RILP: variants seen among roughly 807,000 people sequenced by gnomAD.
The protein encoded by RILP is Rab interacting lysosomal protein.
A neutral mutation model predicts 40.0 loss-of-function variants in RILP; 53 were observed. The ratio of observed to expected loss-of-function variants is 1.32; its 90% CI spans 1.06 to 1.66. RILP has a LOEUF of 1.66. Among genes scored for constraint, RILP ranks in the 40% most tolerant of loss-of-function variants. The probability of loss-of-function intolerance (pLI) is 0.00; values close to 1 mark genes in which losing one functional copy is unlikely to be tolerated. For synonymous variants in RILP, 272 were observed against 250.6 expected (o/e 1.09, Z -0.80); for missense variants, 626 against 551.7 (o/e 1.13, Z -1.35).
At position 1,648,420 on chromosome 17, in the gene RILP, T is replaced by G. The variant is rs766247052; in HGVS notation, c.751A>C (p.Ile251Leu). Reference sequence around the variant, plus strand: ...TTGAGTTCATTCCGCTCCTGAAGGATCTGCTCAAACTCCTCCCGACTGAAG... The same window carrying G: ...TTGAGTTCATTCCGCTCCTGAAGGAGCTGCTCAAACTCCTCCCGACTGAAG... ...CRFSREEFEQ[I>L]LQERNELKAK... The change falls in exon 5 of 8, where the codon ATC becomes CTC. Residue 251 changes from isoleucine to leucine, a missense_variant. Coordinates refer to ENST00000301336, the MANE Select transcript of RILP (RefSeq NM_031430.3). The surrounding 1 kb of genome is among the most constrained non-coding windows in gnomAD (Gnocchi z 4.9). 2.1e-5 allele frequency: 34 copies of G among 1,613,970 alleles called. No homozygotes were observed. Among genetic ancestry groups the G allele is most frequent in the Non-Finnish European group, 2.9e-5 (34 of 1,180,014 alleles).
Position 1,649,140 on chromosome 17 carries a change from C to T in RILP, c.429+60G>A. 1 of 1,212,096 alleles carries T rather than the reference C, an allele frequency of 8.3e-7. No individual in the cohort carries two copies. The highest frequency in any genetic ancestry group is 1.0e-6 in the Non-Finnish European group (1 of 964,908). The allele number at this position is 1,212,096 out of a possible 1,614,324, so 75.1% of individuals were successfully genotyped here. ...TCGCTCCGCCCCCGCCCCCGGAGCC[C>T]CGCCCAGCGCCTGCCACGCTCCGCC... On this transcript the variant is annotated intron_variant, in intron 3 of 7. Coordinates refer to ENST00000301336, the MANE Select transcript of RILP (RefSeq NM_031430.3). This position sits in a 1 kb window ranked among gnomAD's most constrained non-coding sequence, Gnocchi z 4.3.
At position 1,646,846 on chromosome 17, in the gene RILP, G is replaced by C. The variant is rs1910613436; in HGVS notation, c.1028+60C>G. 2.3e-6 allele frequency: 3 copies of C among 1,319,500 alleles called. No individual in the cohort carries two copies. Among genetic ancestry groups the C allele is most frequent in the Non-Finnish European group, 3.1e-6 (3 of 957,686 alleles). The allele number at this position is 1,319,500 out of a possible 1,614,324, so 81.7% of individuals were successfully genotyped here. A position where few individuals can be genotyped will look rare whatever the true frequency, so the allele number is the denominator to read the frequency against. ...AAGCGGGAAAGGGGATCCTGAGAAG[G>C]ACCAGCCAGGGCCCTTCCTCCCTCC... On this transcript the variant is annotated intron_variant, in intron 7 of 7. Coordinates refer to ENST00000301336, the MANE Select transcript of RILP (RefSeq NM_031430.3). This position sits in a 1 kb window ranked among gnomAD's most constrained non-coding sequence, Gnocchi z 4.3.
rs776845213 is a variant in RILP, at chr17:1,648,006, G to A, written c.822-49C>T. On this transcript the variant is annotated intron_variant, in intron 5 of 7. Transcript: ENST00000301336. This position sits in a 1 kb window ranked among gnomAD's most constrained non-coding sequence, Gnocchi z 4.9. ...AGAAAGCCCTGGTGATGCCAGCCAT[G>A]GGGATGCCAGCAGTGGAGATGCCAG... The A allele has an allele frequency of 9.3e-6, 15 of 1,607,748 alleles. No individual in the cohort carries two copies. In the East Asian group the frequency reaches 1.8e-4, roughly 19 times the overall value.
chr17:1,649,844 C>A lies in RILP; in HGVS notation c.-40G>T. The A allele has an allele frequency of 6.9e-7, 1 of 1,451,022 alleles. No individual in the cohort carries two copies. Among genetic ancestry groups the A allele is most frequent in the Non-Finnish European group, 9.2e-7 (1 of 1,085,028 alleles). The allele number at this position is 1,451,022 out of a possible 1,614,324, so 89.9% of individuals were successfully genotyped here. A position where few individuals can be genotyped will look rare whatever the true frequency, so the allele number is the denominator to read the frequency against. On this transcript the variant is annotated 5_prime_UTR_variant, in exon 1 of 8. Coordinates refer to ENST00000301336, the MANE Select transcript of RILP (RefSeq NM_031430.3). This position sits in a 1 kb window ranked among gnomAD's most constrained non-coding sequence, Gnocchi z 4.3. ...TAGGGCTGCGACCCCCCCACCCCACCCTCCACTGGGACGGGGAAAAGCGAA... is the reference window on the plus strand; with the variant it reads ...TAGGGCTGCGACCCCCCCACCCCACACTCCACTGGGACGGGGAAAAGCGAA...
intron 6 of RILP, among the ~76,000 whole-genome samples, chr17:1,647,589 G>C (rs1474052345): frequency 6.6e-6 from 1 of 152,168 alleles, no homozygotes; most frequent in Non-Finnish European, 1.5e-5. Context: ...TGGATGGCAG[G>C]CAAGGCAAGG....
At position 1,648,034 on chromosome 17, in the gene RILP, G is replaced by T. The variant is rs1033440942; in HGVS notation, c.822-77C>A. The T allele has an allele frequency of 6.4e-7, 1 of 1,566,998 alleles. No homozygotes were observed. ...GATGCCAGCAGTGGAGATGCCAGCC[G>T]CAGTCCTCACTCCTGGTACCTGTGC... On this transcript the variant is annotated intron_variant, in intron 5 of 7. Coordinates refer to ENST00000301336, the MANE Select transcript of RILP (RefSeq NM_031430.3). The surrounding 1 kb of genome is among the most constrained non-coding windows in gnomAD (Gnocchi z 4.9).
chr17:1,646,382 G>T lies in RILP; in HGVS notation c.*60C>A. 1 of 1,481,178 alleles carries T rather than the reference G, an allele frequency of 6.8e-7. No individual in the cohort carries two copies. 91.8% of individuals were successfully genotyped at this position (1,481,178 alleles called of 1,614,324 possible). A position where few individuals can be genotyped will look rare whatever the true frequency, so the allele number is the denominator to read the frequency against. ...GGGGCAGACCCCTGGCGAGGGCTGT[G>T]AAGGCGGGAGCCCTGTCCTCATTTG... On this transcript the variant is annotated 3_prime_UTR_variant, in exon 8 of 8. Coordinates refer to ENST00000301336, the MANE Select transcript of RILP (RefSeq NM_031430.3). The surrounding 1 kb of genome is among the most constrained non-coding windows in gnomAD (Gnocchi z 4.3).
At position 1,648,326 on chromosome 17, in the gene RILP, C is replaced by T. The variant is rs369849933; in HGVS notation, c.821+24G>A. On this transcript the variant is annotated intron_variant, in intron 5 of 7. Coordinates refer to ENST00000301336, the MANE Select transcript of RILP (RefSeq NM_031430.3). The surrounding 1 kb of genome is among the most constrained non-coding windows in gnomAD (Gnocchi z 4.9). ...AGAATGAGGTGGGGTGATCGGAGGC[C>T]CCCCGGCTTCCCAGCGTCCTCACCG... The T allele has an allele frequency of 6.2e-7, 1 of 1,608,700 alleles. No individual in the cohort carries two copies. Among genetic ancestry groups the T allele is most frequent in the African/African-American group, 1.3e-5 (1 of 74,884 alleles).
At position 1,646,764 on chromosome 17, in the gene RILP, G is replaced by C. The variant is rs1288723293; in HGVS notation, c.1028+142C>G. 1.9e-6 allele frequency: 2 copies of C among 1,053,468 alleles called. No individual in the cohort carries two copies. Among genetic ancestry groups the C allele is most frequent in the Non-Finnish European group, 2.8e-6 (2 of 725,852 alleles). The allele number at this position is 1,053,468 out of a possible 1,614,324, so 65.3% of individuals were successfully genotyped here. On this transcript the variant is annotated intron_variant, in intron 7 of 7. Transcript: ENST00000301336. This position sits in a 1 kb window ranked among gnomAD's most constrained non-coding sequence, Gnocchi z 4.3. ...GTGAAGGTGATGGGGGCCAGGGCCA[G>C]AGAAGCAGGAGGGGACGGTGTGCTT...
chr17:1,647,110 G>A (rs189898099), intron 6 of RILP, 121 bp from the exon 7 acceptor site: 3 of 508,660 alleles, frequency 5.9e-6, no homozygotes, highest in East Asian at 6.5e-5. Flanking sequence ...AGGCAACCCT[G>A]GGGAGATGCA....
Position 1,648,447 on chromosome 17 carries a change from G to C in RILP, c.724C>G (p.Arg242Gly), listed in dbSNP as rs1035831778. The C allele has an allele frequency of 6.2e-7, 1 of 1,614,044 alleles. No homozygotes were observed. Among genetic ancestry groups the C allele is most frequent in the African/African-American group, 1.3e-5 (1 of 75,052 alleles). The change falls in exon 5 of 8, where the codon CGC becomes GGC. Residue 242 changes from arginine (R) to glycine (G), a missense_variant. Transcript: ENST00000301336. The surrounding 1 kb of genome is among the most constrained non-coding windows in gnomAD (Gnocchi z 4.9). ...TGCTCAAACTCCTCCCGACTGAAGCGGCACTGCCCTGCCTCCGAGGGGCGC... is the reference window on the plus strand; with the variant it reads ...TGCTCAAACTCCTCCCGACTGAAGCCGCACTGCCCTGCCTCCGAGGGGCGC... ...LGRPSEAGQCRFSREEFEQIL... is the reference protein window; with the variant it reads ...LGRPSEAGQCGFSREEFEQIL...
chr17:1,646,994 G>A lies in RILP; in HGVS notation c.945-5C>T, dbSNP rs1203886005. The A allele has an allele frequency of 3.8e-6, 6 of 1,588,578 alleles. No individual in the cohort carries two copies. The highest frequency in any genetic ancestry group is 5.1e-6 in the Non-Finnish European group (6 of 1,165,262). ...CATGGGCCAGCCTCATCCTCACTGA[G>A]ACAGAGGAGAGAGGAGAAGTGAGGG... On this transcript the variant is annotated splice_polypyrimidine_tract_variant and splice_region_variant and intron_variant, in intron 6 of 7. Transcript: ENST00000301336. The surrounding 1 kb of genome is among the most constrained non-coding windows in gnomAD (Gnocchi z 4.3).
At position 1,646,610 on chromosome 17, in the gene RILP, T is replaced by C. The variant is rs993641218; in HGVS notation, c.1038A>G (p.Leu346=). 5 of 1,578,602 alleles carry C rather than the reference T, an allele frequency of 3.2e-6. No individual in the cohort carries two copies. Among genetic ancestry groups the C allele is most frequent in the South Asian group, 2.3e-5 (2 of 85,818 alleles). ...AGGATTCAGCTTTACCCCGATACCA[T>C]AGGCCAAAGCTGGAGAGAGACAGCC... ...PESKIQSFFG[L]WYRGKAESSE... is the part of the protein sequence containing the mutation. The change falls in exon 8 of 8, where the codon CTA becomes CTG. Residue 346 remains leucine (L), a synonymous_variant. Coordinates refer to ENST00000301336, the MANE Select transcript of RILP (RefSeq NM_031430.3). This position sits in a 1 kb window ranked among gnomAD's most constrained non-coding sequence, Gnocchi z 4.3.
In RILP at chr17:1,646,368, CT is replaced by C; in HGVS notation, c.*73del. The C allele has an allele frequency of 7.0e-7, 1 of 1,430,850 alleles. No homozygotes were observed. The highest frequency in any genetic ancestry group is 9.4e-7 in the Non-Finnish European group (1 of 1,062,956). The allele number at this position is 1,430,850 out of a possible 1,614,324, so 88.6% of individuals were successfully genotyped here. A position where few individuals can be genotyped will look rare whatever the true frequency, so the allele number is the denominator to read the frequency against. On this transcript the variant is annotated 3_prime_UTR_variant, in exon 8 of 8. Transcript: ENST00000301336. This position sits in a 1 kb window ranked among gnomAD's most constrained non-coding sequence, Gnocchi z 4.3. ...TGCAGGCCAGGATTGGGGCAGACCC[CT>C]GGCGAGGGCTGTGAAGGCGGGAGCC...
rs201617047 is a variant in RILP at position 1,649,368 on chromosome 17, G to A, written c.322+44C>T. ...GCCCGCGGGAGGGAGGGGAGGACCC[G>A]AGCAGGTCGTCACCCGCCCTGCCCT... On this transcript the variant is annotated intron_variant, in intron 2 of 7. Transcript: ENST00000301336. This position sits in a 1 kb window ranked among gnomAD's most constrained non-coding sequence, Gnocchi z 4.3. 92 of 1,491,492 alleles carry A rather than the reference G, an allele frequency of 6.2e-5. No homozygotes were observed. In the East Asian group the frequency reaches 2.5e-3, roughly 41 times the overall value. The allele number at this position is 1,491,492 out of a possible 1,614,324, so 92.4% of individuals were successfully genotyped here.
In RILP at chr17:1,648,407, C is replaced by T; in HGVS notation, c.764G>A (p.Arg255Gln). 3.1e-6 allele frequency: 5 copies of T among 1,614,172 alleles called. No homozygotes were observed. The highest frequency in any genetic ancestry group is 1.3e-5 in the African/African-American group (1 of 75,072). The part of the protein sequence containing the change: ...REEFEQILQE[R>Q]NELKAKVFLL... ...GAACACTTTGGCTTTGAGTTCATTC[C>T]GCTCCTGAAGGATCTGCTCAAACTC... The change falls in exon 5 of 8, where the codon CGG becomes CAG. Residue 255 changes from arginine (R) to glutamine (Q), a missense_variant. Coordinates refer to ENST00000301336, the MANE Select transcript of RILP (RefSeq NM_031430.3). This position sits in a 1 kb window ranked among gnomAD's most constrained non-coding sequence, Gnocchi z 4.9.
At chr17:1,647,723 T>C in intron 6 of RILP, 112 bp downstream of exon 6, 1 of 1,388,914 alleles carries the variant, frequency 7.2e-7, no homozygotes, top group Non-Finnish European at 1.0e-6. Flanking sequence ...CGGGTTGGGG[T>C]GACAGCCTCA....
Position 1,648,559 on chromosome 17 carries a change from C to A in RILP, c.676-64G>T. On this transcript the variant is annotated intron_variant, in intron 4 of 7. Coordinates refer to ENST00000301336, the MANE Select transcript of RILP (RefSeq NM_031430.3). The surrounding 1 kb of genome is among the most constrained non-coding windows in gnomAD (Gnocchi z 4.9). ...TGGCGTTCCCCCGCCCCAGGGCCAT[C>A]ATGGGAATGCTAGAGGAAGTGACGG... is the stretch of plus-strand genomic sequence containing the variant. The A allele has an allele frequency of 6.3e-7, 1 of 1,582,776 alleles. No individual in the cohort carries two copies. Among genetic ancestry groups the A allele is most frequent in the Admixed American group, 1.8e-5 (1 of 56,844 alleles).
intron 6 of RILP, 145 bp downstream of exon 6, chr17:1,647,690 G>T: frequency 9.7e-7 from 1 of 1,036,162 alleles, no homozygotes; most frequent in Admixed American, 1.8e-5. Flanking sequence ...AAGCGGCCAG[G>T]CTAGGGAGGC....
Sources: gnomAD v4.1 joint callset for allele counts (sites outside exome capture counted in the v4.1 genomes callset) on GRCh38, gnomAD v4.1.1 for gene constraint, Gnocchi (gnomAD v3.1) non-coding constraint, MANE v1.5 for transcripts, NCBI Gene and HGNC (gene_info 2026-07-23, HGNC 2026-07-21) for gene names.